The following AGMO variants were observed in gnomAD, a reference collection of about 807,000 sequenced individuals.
AGMO encodes the protein alkylglycerol monooxygenase.
AGMO carries 75 observed loss-of-function variants against 60.2 expected under a neutral mutation model. The observed-to-expected ratio is 1.25, with a 90% CI of 1.03 to 1.51. The LOEUF (loss-of-function observed/expected upper bound fraction) is 1.51, where lower values mean the gene tolerates loss of function less well. AGMO is among the 40% of genes most tolerant of loss of function. The probability of loss-of-function intolerance (pLI) is 0.00; values close to 1 mark genes in which losing one functional copy is unlikely to be tolerated. For missense variants in AGMO, 763 were observed against 525.5 expected (o/e 1.45, Z -4.42); for synonymous variants, 261 against 177.1 (o/e 1.47, Z -3.76).
intron 12 of AGMO, among the ~76,000 whole-genome samples, chr7:15,293,525 T>C (rs1384997982): frequency 6.6e-6 from 1 of 152,130 alleles, no homozygotes; most frequent in African/African-American, 2.4e-5. Flanking sequence ...CTATAATTTA[T>C]GTAAGTTATA....
chr7:15,295,593 T>C (rs1489163361), intron 12 of AGMO, among the ~76,000 whole-genome samples: 1 of 152,246 alleles, frequency 6.6e-6, no homozygotes, highest in South Asian at 2.1e-4. Flanking sequence ...TCGCTATTAA[T>C]AGTATAATTT....
intron 3 of AGMO, 152 bp downstream of exon 3, chr7:15,544,620 T>C: frequency 1.6e-6 from 1 of 644,020 alleles, no homozygotes; most frequent in African/African-American, 1.9e-5. Flanking sequence ...CCACTTAAAT[T>C]GCAAAGTAAA....
At chr7:15,424,942 C>A (rs955969147) in intron 4 of AGMO, among the ~76,000 whole-genome samples, 1 of 152,144 alleles carries the variant, frequency 6.6e-6, no homozygotes, top group Non-Finnish European at 1.5e-5. Flanking sequence ...TATTGAAAAA[C>A]AGTCTTTGCT....
rs147370618 is a variant in AGMO, at chr7:15,400,843, G to A, written c.610-6664C>T. Among the ~76,000 whole-genome samples, 1,131 of 152,272 alleles carry A rather than the reference G, an allele frequency of 7.4e-3. 21 individuals carry two copies. Among genetic ancestry groups the A allele is most frequent in the African/African-American group, 0.026 (1,071 of 41,566 alleles). ...TACCATAAATTATTTTATATTATCT[G>A]AGTTCAGTTTTATGAGAGCTTCAGT... On this transcript the variant is annotated intron_variant, in intron 5 of 12. Coordinates refer to ENST00000342526, the MANE Select transcript of AGMO (RefSeq NM_001004320.2).
chr7:15,398,133 T>TG, intron 5 of AGMO, among the ~76,000 whole-genome samples: 1 of 152,212 alleles, frequency 6.6e-6, no homozygotes, highest in Non-Finnish European at 1.5e-5. Context: ...ACAACAAATG[T>TG]GGGTGGAGAG....
intron 12 of AGMO, among the ~76,000 whole-genome samples, chr7:15,215,586 A>G (rs934350211): frequency 1.3e-5 from 2 of 152,062 alleles, no homozygotes; most frequent in Admixed American, 6.6e-5. Context: ...TTTTGGTACT[A>G]TATGGTTAGA....
At chr7:15,449,947 C>G (rs184091608) in intron 3 of AGMO, among the ~76,000 whole-genome samples, 8 of 152,016 alleles carry the variant, frequency 5.3e-5, no homozygotes, top group Non-Finnish European at 8.8e-5. Flanking sequence ...TTTAAGAGCA[C>G]CTGTTTTCAA....
Position 15,459,523 on chromosome 7 carries a change from A to G in AGMO, c.410-28415T>C, listed in dbSNP as rs76414570. Among the ~76,000 whole-genome samples, 9 of 151,672 alleles carry G rather than the reference A, an allele frequency of 5.9e-5. No homozygotes were observed. The East Asian group carries it at 1.6e-3, about 26-fold the overall frequency. On this transcript the variant is annotated intron_variant, in intron 3 of 12. Coordinates refer to ENST00000342526, the MANE Select transcript of AGMO (RefSeq NM_001004320.2). ...AAGGTCCTGGAATGAACTTTTCTGA[A>G]TCTCAAAATAATTATTTTCCAAACT...
intron 3 of AGMO, among the ~76,000 whole-genome samples, chr7:15,474,334 T>C (rs1782532549): frequency 1.3e-5 from 2 of 152,126 alleles, no homozygotes; most frequent in South Asian, 4.1e-4. Context: ...AACAGCTTGG[T>C]ACTGGTACCA....
the AGMO span, among the ~76,000 whole-genome samples, chr7:15,185,560 G>A: frequency 0.014 from 2,118 of 152,220 alleles, 61 homozygotes; most frequent in African/African-American, 0.049. Context: ...AAACTACGGG[G>A]CTTCTGTCTC....
chr7:15,521,849 G>A (rs1218638299), intron 3 of AGMO, among the ~76,000 whole-genome samples: 1 of 152,234 alleles, frequency 6.6e-6, no homozygotes, highest in Admixed American at 6.5e-5. Flanking sequence ...TCTGGCCAGG[G>A]CAATCAGGCA....
At chr7:15,348,625 T>G (rs1159837401) in intron 12 of AGMO, among the ~76,000 whole-genome samples, 1 of 152,120 alleles carries the variant, frequency 6.6e-6, no homozygotes, top group Admixed American at 6.6e-5. Flanking sequence ...CACTCGTGTA[T>G]CTGTGCAGTC....
At chr7:15,250,408 C>G (rs1782894968) in intron 12 of AGMO, among the ~76,000 whole-genome samples, 1 of 152,108 alleles carries the variant, frequency 6.6e-6, no homozygotes, top group Non-Finnish European at 1.5e-5. Context: ...GATGAATAAT[C>G]TGTTTATTTT....
intron 2 of AGMO, among the ~76,000 whole-genome samples, chr7:15,547,384 T>G (rs1784810793): frequency 6.6e-6 from 1 of 152,020 alleles, no homozygotes; most frequent in South Asian, 2.1e-4. Flanking sequence ...ACGGGTGATT[T>G]CTGCATTTCC....
chr7:15,366,230 A>G lies in AGMO; in HGVS notation c.1075-8T>C, dbSNP rs1231113515. 1.3e-6 allele frequency: 2 copies of G among 1,596,670 alleles called. No individual in the cohort carries two copies. Among genetic ancestry groups the G allele is most frequent in the Non-Finnish European group, 1.7e-6 (2 of 1,169,970 alleles). On this transcript the variant is annotated splice_region_variant and splice_polypyrimidine_tract_variant and intron_variant, in intron 10 of 12. Transcript: ENST00000342526. ...AGTAACTTGCGACAGTGCCTGTCAA[A>G]CAAACACGGAGATCAATGGAGCCGT...
chr7:15,358,621 G>A lies in AGMO; in HGVS notation c.1263+6893C>T, dbSNP rs114359478. On this transcript the variant is annotated intron_variant, in intron 12 of 12. Transcript: ENST00000342526. The stretch of plus-strand genomic sequence containing the variant: ...AAAGACCTTAAACTTCCACTCTCCT[G>A]AGCTTAGCAGGGACTTCTGAACCAT... 3.3e-3 allele frequency among the ~76,000 whole-genome samples: 500 copies of A among 152,182 alleles called. 2 individuals carry two copies. Among genetic ancestry groups the A allele is most frequent in the African/African-American group, 0.011 (459 of 41,522 alleles).
intron 12 of AGMO, among the ~76,000 whole-genome samples, chr7:15,347,563 G>A (rs946562128): frequency 6.6e-6 from 1 of 151,756 alleles, no homozygotes; most frequent in South Asian, 2.1e-4. Context: ...ACCTCGCCTA[G>A]AAGATAATTC....
chr7:15,476,622 T>C (rs1782600198), intron 3 of AGMO, among the ~76,000 whole-genome samples: 1 of 152,128 alleles, frequency 6.6e-6, no homozygotes. Context: ...AGTCTTTCTG[T>C]TTAATTTGCA....
chr7:15,497,764 G>A (rs1022778592), intron 3 of AGMO, among the ~76,000 whole-genome samples: 5 of 151,832 alleles, frequency 3.3e-5, no homozygotes, highest in East Asian at 1.9e-4. Flanking sequence ...TACTAAAATC[G>A]AAAGCCTACA....
Sources: gnomAD v4.1 joint callset for allele counts (sites outside exome capture counted in the v4.1 genomes callset) on GRCh38, gnomAD v4.1.1 for gene constraint, MANE v1.5 for transcripts, NCBI Gene and HGNC (gene_info 2026-07-23, HGNC 2026-07-21) for gene names.